The following CRIPT variants were observed in gnomAD, a reference collection of about 807,000 sequenced individuals.
The protein encoded by CRIPT is cysteine-rich PDZ-binding protein.
CRIPT carries 20 observed loss-of-function variants against 16.6 expected under a neutral mutation model. The observed-to-expected ratio is 1.20, with a 90% CI of 0.85 to 1.75. The LOEUF (loss-of-function observed/expected upper bound fraction) is 1.75, where lower values mean the gene tolerates loss of function less well. CRIPT is among the 40% of genes most tolerant of loss of function. The pLI is 0.00. For missense variants in CRIPT, 133 were observed against 115.3 expected, an observed-to-expected ratio of 1.15 and a Z score of -0.70; for synonymous variants, 42 against 37.0, an observed-to-expected ratio of 1.14 and a Z score of -0.49.
rs1437665411 is a variant in CRIPT, at chr2:46,625,690, C to A, written c.*1463C>A. The A allele has an allele frequency of 6.6e-6, 1 of 151,922 alleles. No individual in the cohort carries two copies. The highest frequency in any genetic ancestry group is 1.5e-5 in the Non-Finnish European group (1 of 67,990). 9.4% of individuals were successfully genotyped at this position (151,922 alleles called of 1,614,324 possible). ...AGATACATTGTTATTTATTCATATC[C>A]AGAAAAATTACAAGGATAATACAGA... On this transcript the variant is annotated 3_prime_UTR_variant, in exon 5 of 5. Coordinates refer to ENST00000238892, the MANE Select transcript of CRIPT (RefSeq NM_014171.6).
rs989541726 is a variant in CRIPT, at chr2:46,626,085, C to T, written c.*1858C>T. Among the ~76,000 whole-genome samples the T allele has an allele frequency of 6.6e-6, 1 of 151,866 alleles. No individual in the cohort carries two copies. The highest frequency in any genetic ancestry group is 2.4e-5 in the African/African-American group (1 of 41,294). ...TAGAGTCCAACAGGTGGTTTTTCAC[C>T]CCTTCCCTCCCCTCTTCCCTCCAGT... On this transcript the variant is annotated 3_prime_UTR_variant, in exon 5 of 5. Transcript: ENST00000238892.
At chr2:46,623,639 A>G (rs940901900) in intron 3 of CRIPT, 125 bp from the exon 4 acceptor site, 5 of 581,488 alleles carry the variant, frequency 8.6e-6, no homozygotes, top group South Asian at 2.2e-5. Flanking sequence ...GGCTAAACCC[A>G]TCAATTGTAG....
Position 46,624,212 on chromosome 2 carries a change from G to A in CRIPT, c.291G>A (p.Lys97=). The A allele has an allele frequency of 6.3e-7, 1 of 1,579,988 alleles. No individual in the cohort carries two copies. The highest frequency in any genetic ancestry group is 8.6e-7 in the Non-Finnish European group (1 of 1,159,428). Residue 97 remains lysine (K), a synonymous_variant, in exon 5 of 5, where the codon AAG becomes AAA. Coordinates refer to ENST00000238892, the MANE Select transcript of CRIPT (RefSeq NM_014171.6). ...GKKVLDTKNY[K]QTSV ...AGGTTTTGGATACCAAAAACTACAA[G>A]CAAACATCTGTCTAGATGTATTGAT...
intron 4 of CRIPT, 135 bp from the exon 5 acceptor site, chr2:46,624,028 T>TAC: frequency 2.6e-6 from 1 of 387,250 alleles, no homozygotes; most frequent in East Asian, 4.8e-5. Context: ...ATTAAAATTA[T>TAC]ATATATATAT....
rs190393590 is a variant in CRIPT at position 46,628,343 on chromosome 2, G to A, written c.*4116G>A. Among the ~76,000 whole-genome samples the A allele has an allele frequency of 3.8e-4, 58 of 151,650 alleles. No individual in the cohort carries two copies. In the East Asian group the frequency reaches 0.011, roughly 28 times the overall value. On this transcript the variant is annotated 3_prime_UTR_variant, in exon 5 of 5. Transcript: ENST00000238892. Reference sequence around the variant, plus strand: ...GCCAGGCTGGTCTTGAACTCCTGACGTTGTGATCCACCCGCCTCAGCCTCC... The same window carrying A: ...GCCAGGCTGGTCTTGAACTCCTGACATTGTGATCCACCCGCCTCAGCCTCC...
At chr2:46,623,637 C>A in intron 3 of CRIPT, 127 bp from the exon 4 acceptor site, 1 of 574,066 alleles carries the variant, frequency 1.7e-6, no homozygotes, top group African/African-American at 1.9e-5. Flanking sequence ...TAGGCTAAAC[C>A]CATCAATTGT....
Position 46,626,920 on chromosome 2 carries a change from C to A in CRIPT, c.*2693C>A. On this transcript the variant is annotated 3_prime_UTR_variant, in exon 5 of 5. Coordinates refer to ENST00000238892, the MANE Select transcript of CRIPT (RefSeq NM_014171.6). Reference sequence around the variant, plus strand: ...CCATCTCAGCTCACTGCAACCTCCACCTCCCGGGTTCAAGCGATTCTCCTG... The same window carrying A: ...CCATCTCAGCTCACTGCAACCTCCAACTCCCGGGTTCAAGCGATTCTCCTG... Among the ~76,000 whole-genome samples, 1 of 152,254 alleles carries A rather than the reference C, an allele frequency of 6.6e-6. No homozygotes were observed.
rs1439232096 is a variant in CRIPT, at chr2:46,627,388, A to G, written c.*3161A>G. ...TTCCCATAGCTGATGTCCAGATGTT[A>G]TTTCGTAGGTTTTCTTCTAGGACTC... On this transcript the variant is annotated 3_prime_UTR_variant, in exon 5 of 5. Transcript: ENST00000238892. Among the ~76,000 whole-genome samples the G allele has an allele frequency of 6.7e-6, 1 of 149,428 alleles. No homozygotes were observed. The highest frequency in any genetic ancestry group is 1.9e-4 in the East Asian group (1 of 5,136).
chr2:46,624,253 C>A lies in CRIPT; in HGVS notation c.*26C>A. ...ATGTATTGATGGAATTTCTGGCTTT[C>A]TAAATGATTTTACTTTCTGCCTTGA... On this transcript the variant is annotated 3_prime_UTR_variant, in exon 5 of 5. Transcript: ENST00000238892. 6.7e-7 allele frequency: 1 copy of A among 1,497,946 alleles called. No individual in the cohort carries two copies. The highest frequency in any genetic ancestry group is 1.3e-5 in the South Asian group (1 of 75,314). The allele number at this position is 1,497,946 out of a possible 1,614,324, so 92.8% of individuals were successfully genotyped here.
Position 46,628,406 on chromosome 2 carries a change from G to A in CRIPT, c.*4179G>A, listed in dbSNP as rs140827353. Among the ~76,000 whole-genome samples the A allele has an allele frequency of 7.5e-4, 114 of 152,242 alleles. No individual in the cohort carries two copies. The highest frequency in any genetic ancestry group is 2.7e-3 in the African/African-American group (112 of 41,550). On this transcript the variant is annotated 3_prime_UTR_variant, in exon 5 of 5. Coordinates refer to ENST00000238892, the MANE Select transcript of CRIPT (RefSeq NM_014171.6). The stretch of plus-strand genomic sequence containing the variant: ...ATTACAGGCGTGAGCCACTGGACCC[G>A]GCAGGATTTTTCTAATTCTGTGAAA...
rs1231613307 is a variant in CRIPT at position 46,629,478 on chromosome 2, A to G, written c.*5251A>G. ...CAGCTCCACGATCCAGCCTAGGATC[A>G]TATGTTGTATTGCCATAACCCTCTA... On this transcript the variant is annotated 3_prime_UTR_variant, in exon 5 of 5. Coordinates refer to ENST00000238892, the MANE Select transcript of CRIPT (RefSeq NM_014171.6). Among the ~76,000 whole-genome samples, 2 of 152,182 alleles carry G rather than the reference A, an allele frequency of 1.3e-5. No homozygotes were observed. The highest frequency in any genetic ancestry group is 4.8e-5 in the African/African-American group (2 of 41,434).
In CRIPT at chr2:46,628,164, G is replaced by T. The variant is rs959066842; in HGVS notation, c.*3937G>T. Among the ~76,000 whole-genome samples the T allele has an allele frequency of 1.4e-5, 2 of 146,798 alleles. No homozygotes were observed. The highest frequency in any genetic ancestry group is 6.8e-5 in the Admixed American group (1 of 14,670). On this transcript the variant is annotated 3_prime_UTR_variant, in exon 5 of 5. Transcript: ENST00000238892. ...TTGCTGTGTCTCCCAGGCTCTGAGT[G>T]CAGCTGTGCAATCTCAGCTCACTGC...
Position 46,624,809 on chromosome 2 carries a change from G to A in CRIPT, c.*582G>A, listed in dbSNP as rs1670894463. 1 of 152,104 alleles carries A rather than the reference G, an allele frequency of 6.6e-6. No individual in the cohort carries two copies. Among genetic ancestry groups the A allele is most frequent in the Non-Finnish European group, 1.5e-5 (1 of 68,022 alleles). The allele number at this position is 152,104 out of a possible 1,614,324, so 9.4% of individuals were successfully genotyped here. A position where few individuals can be genotyped will look rare whatever the true frequency, so the allele number is the denominator to read the frequency against. ...GCCAAAGTGCCAGTTTCTTTAATAT[G>A]TGACCAAGAACACAAGGAGCATCCA... On this transcript the variant is annotated 3_prime_UTR_variant, in exon 5 of 5. Transcript: ENST00000238892.
chr2:46,617,240 G>A lies in CRIPT; in HGVS notation c.-43G>A, dbSNP rs1451340874. ...GTAGTGTTGTTGTTTTCAGCCTGCT[G>A]CTGCTGCTGCTGTTGCGGCTAGGGG... On this transcript the variant is annotated 5_prime_UTR_variant, in exon 1 of 5. Coordinates refer to ENST00000238892, the MANE Select transcript of CRIPT (RefSeq NM_014171.6). 8 of 1,551,180 alleles carry A rather than the reference G, an allele frequency of 5.2e-6. No homozygotes were observed. Among genetic ancestry groups the A allele is most frequent in the African/African-American group, 1.4e-5 (1 of 73,328 alleles).
chr2:46,624,230 G>T lies in CRIPT; in HGVS notation c.*3G>T, dbSNP rs747171102. The T allele has an allele frequency of 6.4e-7, 1 of 1,552,720 alleles. No individual in the cohort carries two copies. The highest frequency in any genetic ancestry group is 1.2e-5 in the South Asian group (1 of 81,902). On this transcript the variant is annotated 3_prime_UTR_variant, in exon 5 of 5. Transcript: ENST00000238892. ...ACTACAAGCAAACATCTGTCTAGAT[G>T]TATTGATGGAATTTCTGGCTTTCTA...
At chr2:46,623,277 G>A (rs1004480756) in intron 3 of CRIPT, among the ~76,000 whole-genome samples, 1 of 152,140 alleles carries the variant, frequency 6.6e-6, no homozygotes, top group African/African-American at 2.4e-5. Flanking sequence ...AATATGTTCA[G>A]TTTCTTTAAA....
intron 1 of CRIPT, 117 bp downstream of exon 1, chr2:46,617,415 GCTGT>G: frequency 8.5e-7 from 1 of 1,176,024 alleles, no homozygotes; most frequent in Middle Eastern, 2.5e-4. Context: ...GATTCTATCC[GCTGT>G]CTTTCTACCC....
At position 46,627,938 on chromosome 2, in the gene CRIPT, T is replaced by A. The variant is rs1670977676; in HGVS notation, c.*3711T>A. ...GGCTGTAGGTGTGTAGCTTTATTTC[T>A]GTCTGTTCCATTCCATTGGTCTATG... On this transcript the variant is annotated 3_prime_UTR_variant, in exon 5 of 5. Transcript: ENST00000238892. 6.6e-6 allele frequency among the ~76,000 whole-genome samples: 1 copy of A among 152,146 alleles called. No homozygotes were observed. Among genetic ancestry groups the A allele is most frequent in the South Asian group, 2.1e-4 (1 of 4,826 alleles).
chr2:46,624,024 A>G (rs1299590876), intron 4 of CRIPT, 139 bp from the exon 5 acceptor site: 6 of 425,956 alleles, frequency 1.4e-5, no homozygotes, highest in Non-Finnish European at 2.3e-5. Context: ...TATAATTAAA[A>G]TTATATATAT....
Sources: gnomAD v4.1 joint callset for allele counts (sites outside exome capture counted in the v4.1 genomes callset) on GRCh38, gnomAD v4.1.1 for gene constraint, MANE v1.5 for transcripts, NCBI Gene and HGNC (gene_info 2026-07-23, HGNC 2026-07-21) for gene names.